ASH1L: variants seen among roughly 807,000 people sequenced by gnomAD.
The protein encoded by ASH1L is ASH1 like histone lysine methyltransferase.
ASH1L carries 23 observed loss-of-function variants against 269.0 expected under a neutral mutation model. The observed-to-expected ratio is 0.09, with a 90% CI of 0.06 to 0.12. ASH1L has a LOEUF of 0.12. Ranked by LOEUF, ASH1L falls within the 10% of genes least tolerant of loss-of-function variation. The pLI is 1.00. For synonymous variants in ASH1L, 1,187 were observed against 1,253.5 expected (o/e 0.95, Z 1.12); for missense variants, 2,912 against 3,567.8 (o/e 0.82, Z 4.68).
chr1:155,560,091 G>A (rs575800478), intron 1 of ASH1L, among the ~76,000 whole-genome samples: 1 of 152,100 alleles, frequency 6.6e-6, no homozygotes, highest in East Asian at 1.9e-4. Flanking sequence ...AAATACCATA[G>A]ACTCTTTCAT....
In ASH1L at chr1:155,480,899, A is replaced by C. The variant is rs750343574; in HGVS notation, c.1971T>G (p.Thr657=). 6.2e-7 allele frequency: 1 copy of C among 1,613,956 alleles called. No individual in the cohort carries two copies. The highest frequency in any genetic ancestry group is 2.2e-5 in the East Asian group (1 of 44,888). Residue 657 remains threonine (T), a synonymous_variant, in exon 3 of 28, where the codon ACT becomes ACG. Transcript: ENST00000392403. ...TAATAGTATGAATGCTGGATTCAGAAGTCAAACTTGGCTTTTTTCCAAGGG... is the reference window on the plus strand; with the variant it reads ...TAATAGTATGAATGCTGGATTCAGACGTCAAACTTGGCTTTTTTCCAAGGG... ...SSSLGKKPSL[T]SESSIHTITP...
At chr1:155,550,155 C>T (rs538687480) in intron 1 of ASH1L, among the ~76,000 whole-genome samples, 63 of 152,062 alleles carry the variant, frequency 4.1e-4, no homozygotes, top group Non-Finnish European at 8.1e-4. Context: ...TGAGTAGCTG[C>T]GATTACAGGT....
chr1:155,365,780 G>A (rs140071835), intron 12 of ASH1L, among the ~76,000 whole-genome samples: 2 of 152,248 alleles, frequency 1.3e-5, no homozygotes, highest in Non-Finnish European at 2.9e-5. Flanking sequence ...TTCCTGACCC[G>A]TGATATCACC....
chr1:155,421,020 T>C lies in ASH1L; in HGVS notation c.5829-5097A>G, dbSNP rs548922456. 3.3e-5 allele frequency among the ~76,000 whole-genome samples: 5 copies of C among 150,550 alleles called. No individual in the cohort carries two copies. In the East Asian group the frequency reaches 8.0e-4, roughly 24 times the overall value. On this transcript the variant is annotated intron_variant, in intron 5 of 27. Coordinates refer to ENST00000392403, the MANE Select transcript of ASH1L (RefSeq NM_018489.3). Reference sequence around the variant, plus strand: ...GGGAGGCTGAGGCAGGAGGATCACTTGAGCCCAGAGGTTGGAGACCAACCG... The same window carrying C: ...GGGAGGCTGAGGCAGGAGGATCACTCGAGCCCAGAGGTTGGAGACCAACCG...
rs530191118 is a variant in ASH1L at position 155,523,806 on chromosome 1, G to C, written c.-99-2188C>G. On this transcript the variant is annotated intron_variant, in intron 1 of 27. Transcript: ENST00000392403. ...GAATCACTTGAACCTGGCAGGCGGA[G>C]GTTGCAGTGAGCCAAGATCATGCTA... Among the ~76,000 whole-genome samples the C allele has an allele frequency of 3.9e-5, 6 of 152,296 alleles. No individual in the cohort carries two copies. The East Asian group carries it at 7.7e-4, about 20-fold the overall frequency.
chr1:155,403,687 G>A (rs939357042), intron 6 of ASH1L, among the ~76,000 whole-genome samples: 1 of 151,854 alleles, frequency 6.6e-6, no homozygotes, highest in African/African-American at 2.4e-5. Context: ...AATATATTAG[G>A]GAACTAGATG....
upstream of ASH1L, chr1:155,563,005 G>T: frequency 2.2e-6 from 1 of 457,972 alleles, no homozygotes. Flanking sequence ...GGGACGGGCC[G>T]AGCGGGTCGG....
intron 6 of ASH1L, among the ~76,000 whole-genome samples, chr1:155,403,003 C>T (rs1173268049): frequency 6.6e-6 from 1 of 150,644 alleles, no homozygotes; most frequent in East Asian, 1.9e-4. Flanking sequence ...CATGGTGAAA[C>T]CCGTCTCTAC....
At chr1:155,469,966 C>T (rs1378836000) in intron 3 of ASH1L, among the ~76,000 whole-genome samples, 1 of 152,148 alleles carries the variant, frequency 6.6e-6, no homozygotes, top group Non-Finnish European at 1.5e-5. Flanking sequence ...TCTCTTGGGT[C>T]CCATATCAAA....
At chr1:155,463,119 C>T (rs763988061) in intron 3 of ASH1L, among the ~76,000 whole-genome samples, 9 of 152,138 alleles carry the variant, frequency 5.9e-5, no homozygotes, top group Non-Finnish European at 1.3e-4. Flanking sequence ...TTTATAAACG[C>T]CAATTTGCAG....
chr1:155,434,275 T>C (rs1329430244), intron 5 of ASH1L: 10 of 1,596,134 alleles, frequency 6.3e-6, no homozygotes, highest in Non-Finnish European at 8.5e-6. Flanking sequence ...TGCCTGCCCT[T>C]CTAGGAATGG....
chr1:155,459,705 C>G, intron 4 of ASH1L, 92 bp downstream of exon 4: 1 of 948,676 alleles, frequency 1.1e-6, no homozygotes, highest in Non-Finnish European at 1.6e-6. Flanking sequence ...TGATACAGTC[C>G]CCATTATTTT....
At position 155,554,614 on chromosome 1, in the gene ASH1L, C is replaced by T. The variant is rs577637889; in HGVS notation, c.-100+7539G>A. Among the ~76,000 whole-genome samples the T allele has an allele frequency of 7.2e-5, 11 of 151,946 alleles. No homozygotes were observed. The South Asian group carries it at 2.3e-3, about 32-fold the overall frequency. ...TAGTAACCAGGTCTCCTTATGTTGC[C>T]CCCAGGCTGGTCTTAAACTCCTGGG... On this transcript the variant is annotated intron_variant, in intron 1 of 27. Coordinates refer to ENST00000392403, the MANE Select transcript of ASH1L (RefSeq NM_018489.3).
chr1:155,434,155 TG>T, intron 5 of ASH1L: 1 of 1,594,104 alleles, frequency 6.3e-7, no homozygotes, highest in Non-Finnish European at 8.5e-7. Context: ...CCCCAGGCTA[TG>T]GGAGCCCTCA....
chr1:155,511,337 C>T (rs1456586794), intron 2 of ASH1L, among the ~76,000 whole-genome samples: 1 of 152,170 alleles, frequency 6.6e-6, no homozygotes, highest in East Asian at 1.9e-4. Flanking sequence ...TACAAAATTC[C>T]CACAGGGATC....
intron 7 of ASH1L, among the ~76,000 whole-genome samples, chr1:155,386,193 A>G (rs1455126944): frequency 4.6e-5 from 7 of 150,972 alleles, no homozygotes; most frequent in Non-Finnish European, 8.9e-5. Context: ...TCAGCCTCCC[A>G]AGTAGCTGGG....
intron 1 of ASH1L, among the ~76,000 whole-genome samples, chr1:155,546,996 A>AGGGTG (rs1178979701): frequency 8.9e-6 from 1 of 112,800 alleles, no homozygotes; most frequent in Non-Finnish European, 1.7e-5. Flanking sequence ...CTCTGTCACC[A>AGGGTG]GGGTGGAGTG....
intron 4 of ASH1L, among the ~76,000 whole-genome samples, chr1:155,444,192 G>A (rs1662820706): frequency 6.6e-6 from 1 of 152,150 alleles, no homozygotes; most frequent in Non-Finnish European, 1.5e-5. Context: ...ATGTTGGCCA[G>A]GCTGGTCTCG....
intron 5 of ASH1L, among the ~76,000 whole-genome samples, chr1:155,435,080 C>T (rs370888484): frequency 3.9e-5 from 6 of 152,230 alleles, no homozygotes; most frequent in Non-Finnish European, 5.9e-5. Flanking sequence ...ATCACTTGAA[C>T]CCAGGAGACA....
Sources: gnomAD v4.1 joint callset for allele counts (sites outside exome capture counted in the v4.1 genomes callset) on GRCh38, gnomAD v4.1.1 for gene constraint, MANE v1.5 for transcripts, NCBI Gene and HGNC (gene_info 2026-07-23, HGNC 2026-07-21) for gene names.